The following PTPDC1 variants were observed in gnomAD, a reference collection of about 807,000 sequenced individuals.
PTPDC1 encodes protein tyrosine phosphatase domain containing 1, also known as protein tyrosine phosphatase domain-containing protein 1.
A neutral mutation model predicts 75.3 loss-of-function variants in PTPDC1; 53 were observed. The ratio of observed to expected loss-of-function variants is 0.70; its 90% confidence interval spans 0.56 to 0.88. The LOEUF (loss-of-function observed/expected upper bound fraction) is 0.88, where lower values mean the gene tolerates loss of function less well. Ranked by LOEUF, PTPDC1 falls within the 40% of genes least tolerant of loss-of-function variation. The pLI is 0.00. For missense variants in PTPDC1, 925 were observed against 998.6 expected (o/e 0.93, Z 0.99); for synonymous variants, 349 against 366.2 (o/e 0.95, Z 0.54).
At chr9:94,097,039 A>G (rs898416630) in intron 5 of PTPDC1, among the ~76,000 whole-genome samples, 21 of 152,230 alleles carry the variant, frequency 1.4e-4, no homozygotes, top group African/African-American at 4.8e-4. Flanking sequence ...TTACTCACCT[A>G]CCTTGTGCCT....
chr9:94,094,484 G>A (rs1351815154), intron 4 of PTPDC1, among the ~76,000 whole-genome samples: 1 of 152,182 alleles, frequency 6.6e-6, no homozygotes, highest in Non-Finnish European at 1.5e-5. Flanking sequence ...TTTCAAAGCT[G>A]TCAGACAGGG....
At chr9:94,092,880 T>G (rs1413372552) in intron 4 of PTPDC1, among the ~76,000 whole-genome samples, 9 of 151,216 alleles carry the variant, frequency 6.0e-5, no homozygotes, top group African/African-American at 2.2e-4. Context: ...GTTTAAAGTC[T>G]GTTTTATCAG....
chr9:94,041,019 G>C (rs889388321), intron 1 of PTPDC1, among the ~76,000 whole-genome samples: 1 of 152,178 alleles, frequency 6.6e-6, no homozygotes, highest in African/African-American at 2.4e-5. Context: ...CTTTCTACCT[G>C]ATAGTTGAGT....
intron 1 of PTPDC1, among the ~76,000 whole-genome samples, chr9:94,044,241 G>T (rs1344996907): frequency 6.6e-6 from 1 of 152,154 alleles, no homozygotes; most frequent in African/African-American, 2.4e-5. Flanking sequence ...GATCAACTTG[G>T]AGAGAATTAG....
chr9:94,038,811 T>C (rs1316728846), intron 1 of PTPDC1, among the ~76,000 whole-genome samples: 1 of 152,198 alleles, frequency 6.6e-6, no homozygotes, highest in Non-Finnish European at 1.5e-5. Context: ...AAGGTAGCAA[T>C]GTCTACTTTA....
upstream of PTPDC1, among the ~76,000 whole-genome samples, chr9:94,079,521 C>T (rs971153416): frequency 6.6e-6 from 1 of 152,154 alleles, no homozygotes; most frequent in Non-Finnish European, 1.5e-5. Context: ...CATGAGAGGA[C>T]TTAGTTGTCT....
In PTPDC1 at chr9:94,095,460, T is replaced by C; in HGVS notation, c.754+6T>C. 6.2e-7 allele frequency: 1 copy of C among 1,603,314 alleles called. No individual in the cohort carries two copies. Among genetic ancestry groups the C allele is most frequent in the Non-Finnish European group, 8.5e-7 (1 of 1,175,962 alleles). On this transcript the variant is annotated splice_donor_region_variant and intron_variant, in intron 5 of 8. Coordinates refer to ENST00000620992, the MANE Select transcript of PTPDC1 (RefSeq NM_001253829.2). ...TGCAGGGCTTGGTCGAACAGGTAGG[T>C]CCTAAGAGGTGGTTTATTGCCTGTA...
At chr9:94,081,021 G>A (rs541136921), upstream of PTPDC1, among the ~76,000 whole-genome samples, 10 of 116,038 alleles carry the variant, frequency 8.6e-5, no homozygotes, top group South Asian at 2.6e-4. Flanking sequence ...AGACAGTCCC[G>A]CTCTGTCACC....
chr9:94,087,151 T>C (rs1302914606), intron 2 of PTPDC1, among the ~76,000 whole-genome samples: 1 of 152,212 alleles, frequency 6.6e-6, no homozygotes, highest in East Asian at 1.9e-4. Context: ...CCAGCTGAGT[T>C]TTCTCCATCA....
intron 1 of PTPDC1, among the ~76,000 whole-genome samples, chr9:94,042,860 T>C (rs554468630): frequency 6.6e-6 from 1 of 152,334 alleles, no homozygotes; most frequent in Admixed American, 6.5e-5. Flanking sequence ...TTAAGGAATA[T>C]TCTAAATCCT....
chr9:94,095,571 G>A lies in PTPDC1; in HGVS notation c.754+117G>A, dbSNP rs1031453237. On this transcript the variant is annotated intron_variant, in intron 5 of 8. Transcript: ENST00000620992. ...TCCTATCAAAGCTTTGGAGTCAGGT[G>A]GAAGAAGGGAATAAGTTCTAGTGTT... The A allele has an allele frequency of 3.8e-5, 29 of 770,148 alleles. No individual in the cohort carries two copies. In the African/African-American group the frequency reaches 4.7e-4, roughly 13 times the overall value. 47.7% of individuals were successfully genotyped at this position (770,148 alleles called of 1,614,324 possible).
At chr9:94,084,460 T>C, upstream of PTPDC1, 1 of 1,585,330 alleles carries the variant, frequency 6.3e-7, no homozygotes, top group Non-Finnish European at 8.5e-7. Flanking sequence ...TGCTCCCTGC[T>C]CTCAGTGAAA....
In PTPDC1 at chr9:94,098,085, C is replaced by T; in HGVS notation, c.1519C>T (p.Leu507Phe). The change falls in exon 6 of 9, where the codon CTT becomes TTT. Residue 507 changes from leucine to phenylalanine, a missense_variant. Physicochemically the swap from Leu to Phe is conservative, Grantham distance 22. Coordinates refer to ENST00000620992, the MANE Select transcript of PTPDC1 (RefSeq NM_001253829.2). Reference protein sequence around the residue: ...LHKEALVRSTLSFWSQSKFGG... With the variant: ...LHKEALVRSTFSFWSQSKFGG... ...CAAGGAAGCCTTGGTTCGCAGCACACTTTCTTTCTGGAGTCAGTCAAAGTT... is the reference window on the plus strand; with the variant it reads ...CAAGGAAGCCTTGGTTCGCAGCACATTTTCTTTCTGGAGTCAGTCAAAGTT... 6.2e-7 allele frequency: 1 copy of T among 1,614,228 alleles called. No homozygotes were observed. The highest frequency in any genetic ancestry group is 2.2e-5 in the East Asian group (1 of 44,886).
chr9:94,067,486 CAG>C (rs1826351483), intron 2 of PTPDC1, among the ~76,000 whole-genome samples: 1 of 151,900 alleles, frequency 6.6e-6, no homozygotes, highest in African/African-American at 2.4e-5. Context: ...AATATCTAAA[CAG>C]TGTTCAATTT....
At chr9:94,059,013 A>G (rs892142065) in intron 1 of PTPDC1, among the ~76,000 whole-genome samples, 1 of 152,204 alleles carries the variant, frequency 6.6e-6, no homozygotes, top group Non-Finnish European at 1.5e-5. Flanking sequence ...AAAACCCAGG[A>G]AAGTCTATAT....
chr9:94,093,933 A>G (rs1197834264), intron 4 of PTPDC1, among the ~76,000 whole-genome samples: 1 of 151,516 alleles, frequency 6.6e-6, no homozygotes, highest in African/African-American at 2.4e-5. Flanking sequence ...TTTCAGCTCC[A>G]TCAGCTCCTT....
At chr9:94,045,188 G>C (rs1406973700) in intron 1 of PTPDC1, among the ~76,000 whole-genome samples, 1 of 151,280 alleles carries the variant, frequency 6.6e-6, no homozygotes, top group Non-Finnish European at 1.5e-5. Flanking sequence ...ATTTTTTATG[G>C]CTGCATAGTA....
At chr9:94,079,810 C>T (rs1036157990), upstream of PTPDC1, among the ~76,000 whole-genome samples, 6 of 152,144 alleles carry the variant, frequency 3.9e-5, no homozygotes, top group Admixed American at 3.9e-4. Context: ...TCTGAGTGAT[C>T]CCCCTACTTT....
At chr9:94,030,854 G>A (rs1587828948) in exon 1 of PTPDC1, 1 of 152,302 alleles carries the variant, frequency 6.6e-6, no homozygotes, top group Admixed American at 6.5e-5. Flanking sequence ...CCCGCCACGG[G>A]GAGCAGCCCA....
Sources: gnomAD v4.1 joint callset for allele counts (sites outside exome capture counted in the v4.1 genomes callset) on GRCh38, gnomAD v4.1.1 for gene constraint, MANE v1.5 for transcripts, NCBI Gene and HGNC (gene_info 2026-07-23, HGNC 2026-07-21) for gene names.